ANO10: variants seen among roughly 807,000 people sequenced by gnomAD.
The protein encoded by ANO10 is anoctamin-10.
In ANO10, 77 loss-of-function variants were observed where a neutral mutation model predicts 74.7. The ratio of observed to expected loss-of-function variants is 1.03; its 90% CI spans 0.86 to 1.25. The LOEUF (loss-of-function observed/expected upper bound fraction) is 1.25. ANO10 is among the 50% of genes most tolerant of loss of function. The pLI is 0.00. For synonymous variants in ANO10, 279 were observed against 284.9 expected (o/e 0.98, Z 0.21); for missense variants, 721 against 778.1 (o/e 0.93, Z 0.87).
intron 11 of ANO10, among the ~76,000 whole-genome samples, chr3:43,511,313 A>C (rs2149182276): frequency 6.6e-6 from 1 of 152,308 alleles, no homozygotes; most frequent in South Asian, 2.1e-4. Flanking sequence ...TCCATATATC[A>C]ATGTATTTAT....
Position 43,484,891 on chromosome 3 carries a change from G to A in ANO10, c.1798-52164C>T, listed in dbSNP as rs2076407401. The A allele has an allele frequency of 1.9e-5, 12 of 638,474 alleles. 1 individual carries two copies. In the South Asian group the frequency reaches 2.1e-4, roughly 11 times the overall value. 39.6% of individuals were successfully genotyped at this position (638,474 alleles called of 1,614,324 possible). A position where few individuals can be genotyped will look rare whatever the true frequency, so the allele number is the denominator to read the frequency against. On this transcript the variant is annotated intron_variant, in intron 11 of 12. Transcript: ENST00000292246. ...CCAACAGGCATGACCAATTGTCTAA[G>A]CATTTACAGTTTATGTCTTTTTTTT...
rs543263539 is a variant in ANO10, at chr3:43,530,824, G to A, written c.1797+18896C>T. On this transcript the variant is annotated intron_variant, in intron 11 of 12. Coordinates refer to ENST00000292246, the MANE Select transcript of ANO10 (RefSeq NM_018075.5). ...GGGTTCAATACTATCTATTGCTTCA[G>A]GCATCCACTGGGAGTCTTGGAACCA... Among the ~76,000 whole-genome samples the A allele has an allele frequency of 5.9e-5, 9 of 152,204 alleles. No homozygotes were observed. The South Asian group carries it at 1.7e-3, about 28-fold the overall frequency.
At chr3:43,389,855 C>A (rs557662396) in intron 12 of ANO10, among the ~76,000 whole-genome samples, 17 of 152,226 alleles carry the variant, frequency 1.1e-4, no homozygotes, top group Non-Finnish European at 2.4e-4. Flanking sequence ...GTGTTCCGGG[C>A]TGGGAGGAAG....
chr3:43,396,361 T>C (rs1157363506), intron 12 of ANO10, among the ~76,000 whole-genome samples: 6 of 152,134 alleles, frequency 3.9e-5, no homozygotes, highest in Admixed American at 1.3e-4. Flanking sequence ...TTTTTTGAGA[T>C]GGAGTCTCGC....
At chr3:43,571,604 A>G (rs538039132) in intron 7 of ANO10, among the ~76,000 whole-genome samples, 1 of 151,730 alleles carries the variant, frequency 6.6e-6, no homozygotes, top group East Asian at 1.9e-4. Flanking sequence ...CAAACACTGC[A>G]TATTCTCACT....
intron 1 of ANO10, among the ~76,000 whole-genome samples, chr3:43,668,565 A>C (rs1254103298): frequency 6.6e-6 from 1 of 152,046 alleles, no homozygotes; most frequent in African/African-American, 2.4e-5. Flanking sequence ...TTTAGGTCTT[A>C]GATTTAAGTC....
At chr3:43,566,967 C>T (rs1460987656) in intron 7 of ANO10, among the ~76,000 whole-genome samples, 3 of 152,034 alleles carry the variant, frequency 2.0e-5, no homozygotes, top group Non-Finnish European at 4.4e-5. Flanking sequence ...ACTAGAATAA[C>T]CAATACAGAG....
chr3:43,484,992 T>G (rs965450247), intron 11 of ANO10: 1 of 1,446,346 alleles, frequency 6.9e-7, no homozygotes, highest in Non-Finnish European at 9.4e-7. Flanking sequence ...GTGTTGGGCC[T>G]CTTGGTGGTG....
intron 11 of ANO10, among the ~76,000 whole-genome samples, chr3:43,473,831 G>A (rs2075960720): frequency 6.6e-6 from 1 of 152,152 alleles, no homozygotes; most frequent in Non-Finnish European, 1.5e-5. Flanking sequence ...ATTGGGTGGG[G>A]TTGTGGGGAA....
At chr3:43,459,538 C>G (rs576327112) in intron 11 of ANO10, among the ~76,000 whole-genome samples, 2 of 151,956 alleles carry the variant, frequency 1.3e-5, no homozygotes, top group Admixed American at 6.6e-5. Flanking sequence ...GGTCCAAGTG[C>G]GGAGTGAGGA....
At chr3:43,660,737 G>C (rs911860599) in intron 1 of ANO10, among the ~76,000 whole-genome samples, 1 of 152,096 alleles carries the variant, frequency 6.6e-6, no homozygotes, top group Non-Finnish European at 1.5e-5. Context: ...GGCGGATCAC[G>C]TGAGGTCAGG....
At chr3:43,529,485 T>C (rs1041556589) in intron 11 of ANO10, among the ~76,000 whole-genome samples, 1 of 152,204 alleles carries the variant, frequency 6.6e-6, no homozygotes, top group Non-Finnish European at 1.5e-5. Context: ...TCATTATTGT[T>C]TGAGAACTGC....
At chr3:43,621,385 CT>C (rs2083384294) in intron 1 of ANO10, among the ~76,000 whole-genome samples, 1 of 152,138 alleles carries the variant, frequency 6.6e-6, no homozygotes, top group Admixed American at 6.5e-5. Context: ...GAGCATTATC[CT>C]GCAAGCCCGC....
At chr3:43,438,096 A>G (rs1253921758) in intron 11 of ANO10, among the ~76,000 whole-genome samples, 3 of 152,116 alleles carry the variant, frequency 2.0e-5, no homozygotes, top group Non-Finnish European at 4.4e-5. Context: ...TAGAAACTGT[A>G]AAAAAGAACC....
chr3:43,686,094 CCCCCAG>C (rs2084271243), intron 1 of ANO10, among the ~76,000 whole-genome samples: 1 of 152,150 alleles, frequency 6.6e-6, no homozygotes, highest in Non-Finnish European at 1.5e-5. Flanking sequence ...CAGGATCCAG[CCCCCAG>C]GGCACCATGC....
At chr3:43,445,673 T>C (rs936101383) in intron 11 of ANO10, among the ~76,000 whole-genome samples, 1 of 152,240 alleles carries the variant, frequency 6.6e-6, no homozygotes, top group Middle Eastern at 3.4e-3. Flanking sequence ...AGAAATATCA[T>C]TGCCTACAAC....
chr3:43,590,393 A>T (rs17075848), intron 4 of ANO10, among the ~76,000 whole-genome samples: 13,155 of 152,236 alleles, frequency 0.086, 955 homozygotes, highest in African/African-American at 0.19. Context: ...TGAACACAAA[A>T]GAGTAAGTTA....
chr3:43,477,361 TCAAA>T (rs1408992813), intron 11 of ANO10, among the ~76,000 whole-genome samples: 2 of 152,186 alleles, frequency 1.3e-5, no homozygotes, highest in Non-Finnish European at 2.9e-5. Context: ...AATTACTTAC[TCAAA>T]CAAACATTTA....
intron 8 of ANO10, among the ~76,000 whole-genome samples, chr3:43,565,124 T>C (rs1451653869): frequency 6.6e-6 from 1 of 152,180 alleles, no homozygotes; most frequent in Non-Finnish European, 1.5e-5. Flanking sequence ...GGTTCAAATA[T>C]AAAAAGGAGA....
Sources: gnomAD v4.1 joint callset for allele counts (sites outside exome capture counted in the v4.1 genomes callset) on GRCh38, gnomAD v4.1.1 for gene constraint, MANE v1.5 for transcripts, NCBI Gene and HGNC (gene_info 2026-07-23, HGNC 2026-07-21) for gene names.